FGF14: variants seen among roughly 807,000 people sequenced by gnomAD.
The protein encoded by FGF14 is fibroblast growth factor 14, also known as fibroblast growth factor homologous factor 4.
In FGF14, 5 loss-of-function variants were observed where a neutral mutation model predicts 25.5. The observed-to-expected ratio is 0.20, with a 90% confidence interval of 0.10 to 0.41. The LOEUF is 0.41. Among genes scored for constraint, FGF14 ranks in the 10% least tolerant of loss-of-function variants. The pLI, the probability that FGF14 is intolerant of heterozygous loss-of-function variation, is 1.00. For synonymous variants in FGF14, 138 were observed against 118.3 expected (o/e 1.17, Z -1.08); for missense variants, 222 against 320.1 (o/e 0.69, Z 2.34).
chr13:102,345,440 AG>A (rs1468841376), intron 1 of FGF14, among the ~76,000 whole-genome samples: 1 of 152,194 alleles, frequency 6.6e-6, no homozygotes. Context: ...AAACAAATAA[AG>A]CAAATAAAAA....
chr13:102,229,193 G>A (rs906497824), intron 1 of FGF14, among the ~76,000 whole-genome samples: 12 of 152,082 alleles, frequency 7.9e-5, no homozygotes, highest in African/African-American at 2.4e-4. Context: ...GATACCCTAC[G>A]TTTGCTAGAC....
chr13:102,378,323 G>A (rs2058088809), intron 1 of FGF14, among the ~76,000 whole-genome samples: 1 of 151,904 alleles, frequency 6.6e-6, no homozygotes, highest in Non-Finnish European at 1.5e-5. Context: ...AAATCTCTAT[G>A]TCTTCCTTTC....
chr13:102,052,538 A>C (rs1276086697), intron 1 of FGF14, among the ~76,000 whole-genome samples: 1 of 152,026 alleles, frequency 6.6e-6, no homozygotes, highest in African/African-American at 2.4e-5. Context: ...ACAAGAGAAA[A>C]AAAAGCAAAT....
intron 1 of FGF14, among the ~76,000 whole-genome samples, chr13:102,171,216 T>C (rs952921202): frequency 1.3e-5 from 2 of 152,194 alleles, no homozygotes; most frequent in Non-Finnish European, 2.9e-5. Context: ...GTGTTTATCA[T>C]GTGCTGTTTC....
intron 1 of FGF14, among the ~76,000 whole-genome samples, chr13:102,161,596 A>T (rs1161823288): frequency 4.6e-4 from 2 of 4,368 alleles, no homozygotes; most frequent in African/African-American, 2.1e-3. Context: ...GAAGAAGAAG[A>T]AGAAGAAGAA....
rs142233131 is a variant in FGF14 at position 101,802,333 on chromosome 13, A to G, written c.408+66392T>C. 4.3e-5 allele frequency: 8 copies of G among 184,852 alleles called. No homozygotes were observed. In the East Asian group the frequency reaches 9.4e-4, roughly 22 times the overall value. The allele number at this position is 184,852 out of a possible 1,614,324, so 11.5% of individuals were successfully genotyped here. On this transcript the variant is annotated intron_variant, in intron 3 of 4. Coordinates refer to ENST00000376143, the MANE Select transcript of FGF14 (RefSeq NM_004115.4). Reference sequence around the variant, plus strand: ...TATGAGAAGGACGTTGCTGACAGTAAGTGTAAAGGAGAGTTTGATGGCTCA... The same window carrying G: ...TATGAGAAGGACGTTGCTGACAGTAGGTGTAAAGGAGAGTTTGATGGCTCA...
chr13:102,199,113 A>G (rs2049499729), intron 1 of FGF14, among the ~76,000 whole-genome samples: 1 of 152,188 alleles, frequency 6.6e-6, no homozygotes, highest in Non-Finnish European at 1.5e-5. Flanking sequence ...GGTGGTTCTT[A>G]GTTTTATTAT....
intron 1 of FGF14, among the ~76,000 whole-genome samples, chr13:101,981,818 A>C (rs2038285854): frequency 6.6e-6 from 1 of 152,210 alleles, no homozygotes; most frequent in African/African-American, 2.4e-5. Flanking sequence ...GTGAAACAGA[A>C]GCTGAGAAAG....
intron 1 of FGF14, among the ~76,000 whole-genome samples, chr13:102,196,251 G>A (rs548611132): frequency 1.4e-4 from 21 of 152,300 alleles, no homozygotes; most frequent in South Asian, 8.3e-4. Context: ...AAAGCTAACC[G>A]TATCATATTA....
At chr13:102,064,608 T>C (rs895814812) in intron 1 of FGF14, among the ~76,000 whole-genome samples, 5 of 152,004 alleles carry the variant, frequency 3.3e-5, no homozygotes, top group African/African-American at 1.2e-4. Flanking sequence ...ATAAAGGCAT[T>C]TTCTATAGCA....
intron 3 of FGF14, among the ~76,000 whole-genome samples, chr13:101,845,572 C>T (rs1287697367): frequency 2.6e-5 from 4 of 151,838 alleles, no homozygotes; most frequent in Non-Finnish European, 4.4e-5. Context: ...TGAAGGCATG[C>T]TGAGAGAGAC....
chr13:102,352,242 TACACACACACACACACACACACAC>T (rs56774921), intron 1 of FGF14, among the ~76,000 whole-genome samples: 16 of 137,364 alleles, frequency 1.2e-4, no homozygotes, highest in East Asian at 8.7e-4. Context: ...TGTACCTTTA[TACACACACACACACACACACACAC>T]ACACACACAC....
chr13:102,116,454 A>G (rs1437183661), intron 1 of FGF14, among the ~76,000 whole-genome samples: 9 of 152,162 alleles, frequency 5.9e-5, no homozygotes, highest in Admixed American at 5.2e-4. Context: ...AATCATATGT[A>G]TAACATATAC....
intron 1 of FGF14, among the ~76,000 whole-genome samples, chr13:101,994,152 CAT>C (rs1287105091): frequency 2.0e-5 from 3 of 151,906 alleles, no homozygotes; most frequent in Non-Finnish European, 4.4e-5. Context: ...TGTGTATGTA[CAT>C]GTGTTTATGT....
chr13:102,119,314 T>C (rs1207019142), intron 1 of FGF14, among the ~76,000 whole-genome samples: 1 of 152,032 alleles, frequency 6.6e-6, no homozygotes, highest in Non-Finnish European at 1.5e-5. Context: ...ACTGGCTGAG[T>C]CTTCCAAACA....
chr13:101,840,312 A>G (rs2043136794), intron 3 of FGF14, among the ~76,000 whole-genome samples: 1 of 151,960 alleles, frequency 6.6e-6, no homozygotes, highest in Admixed American at 6.6e-5. Flanking sequence ...CCCCCCATTT[A>G]AAATACGTTA....
intron 3 of FGF14, among the ~76,000 whole-genome samples, chr13:101,740,051 CCT>C (rs2036439997): frequency 6.6e-6 from 1 of 152,172 alleles, no homozygotes; most frequent in African/African-American, 2.4e-5. Flanking sequence ...GCATGAAACC[CCT>C]GTCACGTATC....
intron 1 of FGF14, among the ~76,000 whole-genome samples, chr13:102,170,451 T>C (rs2048201031): frequency 6.6e-6 from 1 of 151,972 alleles, no homozygotes; most frequent in South Asian, 2.1e-4. Flanking sequence ...GCTGACCTGG[T>C]CTAACTTAGA....
chr13:102,214,671 A>C (rs1206647611), intron 1 of FGF14, among the ~76,000 whole-genome samples: 1 of 152,160 alleles, frequency 6.6e-6, no homozygotes, highest in African/African-American at 2.4e-5. Flanking sequence ...CATTATGTAT[A>C]ATTTATATTT....
Sources: gnomAD v4.1 joint callset for allele counts (sites outside exome capture counted in the v4.1 genomes callset) on GRCh38, gnomAD v4.1.1 for gene constraint, MANE v1.5 for transcripts, NCBI Gene and HGNC (gene_info 2026-07-23, HGNC 2026-07-21) for gene names.